ANK3: variants seen among roughly 807,000 people sequenced by gnomAD.
ANK3 encodes ankyrin 3, also known as ankyrin-3.
In ANK3, 57 loss-of-function variants were observed where a neutral mutation model predicts 370.9. That is an observed-to-expected ratio of 0.15 (90% CI 0.12 to 0.19). ANK3 has a LOEUF of 0.19. ANK3 is among the 10% of genes least tolerant of loss of function. The probability of loss-of-function intolerance (pLI) is 1.00; values close to 1 mark genes in which losing one functional copy is unlikely to be tolerated. For synonymous variants in ANK3, 1,929 were observed against 1,946.3 expected (o/e 0.99, Z 0.23); for missense variants, 4,439 against 5,302.1 (o/e 0.84, Z 5.06).
Position 60,438,385 on chromosome 10 carries a change from A to T in ANK3, c.97-158746T>A, listed in dbSNP as rs72806189. Among the ~76,000 whole-genome samples the T allele has an allele frequency of 5.3e-3, 803 of 152,282 alleles. 4 individuals carry two copies. The highest frequency in any genetic ancestry group is 9.3e-3 in the South Asian group (45 of 4,830). ...TTACAATTAGGCCTACATTGAAAGG[A>T]TGGGATATGAAGCTTCTATGAAAAT... On this transcript the variant is annotated intron_variant, in intron 2 of 43. Transcript: ENST00000373827.
intron 1 of ANK3, among the ~76,000 whole-genome samples, chr10:60,324,838 C>A (rs892178169): frequency 4.6e-5 from 7 of 152,108 alleles, no homozygotes; most frequent in African/African-American, 1.4e-4. Context: ...ACTGCTATAT[C>A]CCTAGTGCCT....
chr10:60,575,574 CTA>C (rs2077672942), intron 2 of ANK3, among the ~76,000 whole-genome samples: 1 of 152,068 alleles, frequency 6.6e-6, no homozygotes, highest in Non-Finnish European at 1.5e-5. Flanking sequence ...AATAATAAAA[CTA>C]TGTGGCATAT....
chr10:60,125,503 A>G (rs1287190968), intron 25 of ANK3, among the ~76,000 whole-genome samples: 1 of 152,256 alleles, frequency 6.6e-6, no homozygotes, highest in Non-Finnish European at 1.5e-5. Context: ...TTGAAGAGAG[A>G]AAGCAGCATA....
chr10:60,502,625 C>T (rs943398989), intron 2 of ANK3, among the ~76,000 whole-genome samples: 4 of 151,542 alleles, frequency 2.6e-5, no homozygotes, highest in African/African-American at 9.7e-5. Context: ...GGCTGCAGTG[C>T]GTGATGATTG....
chr10:60,384,209 AAC>A (rs141124943), intron 1 of ANK3, among the ~76,000 whole-genome samples: 324 of 152,348 alleles, frequency 2.1e-3, no homozygotes, highest in African/African-American at 7.2e-3. Context: ...ACAGGCATCT[AAC>A]ACACTGTTAT....
intron 1 of ANK3, among the ~76,000 whole-genome samples, chr10:60,627,432 G>A (rs10994436): frequency 0.35 from 53,090 of 151,412 alleles, 9,516 homozygotes; most frequent in African/African-American, 0.42. Context: ...ATAAAAAAAA[G>A]GCATCTGTAT....
At position 60,073,624 on chromosome 10, in the gene ANK3, T is replaced by C; in HGVS notation, c.7257A>G (p.Glu2419=). ...GAGCAGAACTAGGGCGGCTATCTTC[T>C]TCTTGGGACACAGGAGTGTTTACTC... ...SSRVNTPVSQ[E]EDSRPSSAQL... The change falls in exon 37 of 44, where the codon GAA becomes GAG. Residue 2419 remains glutamate, a synonymous_variant. Coordinates refer to ENST00000280772, the MANE Select transcript of ANK3 (RefSeq NM_020987.5). The C allele has an allele frequency of 3.1e-6, 5 of 1,613,964 alleles. No individual in the cohort carries two copies. Among genetic ancestry groups the C allele is most frequent in the Non-Finnish European group, 4.2e-6 (5 of 1,179,966 alleles).
At chr10:60,391,224 G>A (rs1482013467), upstream of ANK3, among the ~76,000 whole-genome samples, 1 of 152,298 alleles carries the variant, frequency 6.6e-6, no homozygotes, top group East Asian at 1.9e-4. Flanking sequence ...AACCACGCTG[G>A]TCATAGAGTT....
chr10:60,439,704 G>A (rs559259062), intron 2 of ANK3, among the ~76,000 whole-genome samples: 22 of 152,286 alleles, frequency 1.4e-4, no homozygotes, highest in African/African-American at 4.8e-4. Context: ...CAGTTCTAGA[G>A]CTGATTCTGA....
intron 2 of ANK3, chr10:60,572,947 G>T (rs2077633388): frequency 2.0e-6 from 2 of 992,256 alleles, no homozygotes; most frequent in Non-Finnish European, 2.4e-6. Flanking sequence ...ACAGAAATAA[G>T]CTACAGACTG....
At chr10:60,510,382 T>C (rs2076048584) in intron 2 of ANK3, among the ~76,000 whole-genome samples, 1 of 152,150 alleles carries the variant, frequency 6.6e-6, no homozygotes, top group South Asian at 2.1e-4. Flanking sequence ...ATATAAGGGA[T>C]CTGATTCAAA....
intron 1 of ANK3, among the ~76,000 whole-genome samples, chr10:60,316,643 C>T (rs879629537): frequency 7.2e-5 from 11 of 152,118 alleles, no homozygotes; most frequent in South Asian, 2.1e-4. Flanking sequence ...AGGAAGAGAA[C>T]GTGGTTTTAT....
chr10:60,203,532 A>G (rs962692130), intron 11 of ANK3, among the ~76,000 whole-genome samples: 3 of 152,204 alleles, frequency 2.0e-5, no homozygotes, highest in Admixed American at 2.0e-4. Flanking sequence ...GGCTTTAAAG[A>G]GGATTCCCAT....
chr10:60,539,042 G>C (rs191141719), intron 2 of ANK3, among the ~76,000 whole-genome samples: 1 of 151,882 alleles, frequency 6.6e-6, no homozygotes, highest in Admixed American at 6.6e-5. Flanking sequence ...AAAGCCAAAG[G>C]AGGGCAGATG....
At chr10:60,086,239 A>ATTT (rs1327906201) in intron 30 of ANK3, among the ~76,000 whole-genome samples, 9 of 152,276 alleles carry the variant, frequency 5.9e-5, no homozygotes, top group African/African-American at 2.2e-4. Context: ...GTACTGAACA[A>ATTT]TTTCCTATTA....
chr10:60,059,419 C>T lies in ANK3; in HGVS notation c.12607G>A (p.Glu4203Lys). 6.2e-7 allele frequency: 1 copy of T among 1,613,970 alleles called. No individual in the cohort carries two copies. The highest frequency in any genetic ancestry group is 2.2e-5 in the East Asian group (1 of 44,854). The change falls in exon 41 of 44, where the codon GAG (glutamate) becomes AAG (lysine). Residue 4203 changes from glutamate (E) to lysine (K), a missense_variant. Coordinates refer to ENST00000280772, the MANE Select transcript of ANK3 (RefSeq NM_020987.5). ...GACTCTAGGTTTCCACTTGATGTCTCATTCTGCCAACCTGTAATTGAAGAC... is the reference window on the plus strand; with the variant it reads ...GACTCTAGGTTTCCACTTGATGTCTTATTCTGCCAACCTGTAATTGAAGAC... ...FHDPVDGWQN[E>K]TSSGNLESCA...
chr10:60,292,042 C>T (rs943247266), intron 1 of ANK3, among the ~76,000 whole-genome samples: 6 of 152,064 alleles, frequency 3.9e-5, no homozygotes, highest in Non-Finnish European at 8.8e-5. Flanking sequence ...AAAATGAAAA[C>T]GAATTATTCA....
chr10:60,283,755 A>C (rs185794328), intron 1 of ANK3, among the ~76,000 whole-genome samples: 252 of 152,294 alleles, frequency 1.7e-3, no homozygotes, highest in Non-Finnish European at 2.9e-3. Flanking sequence ...ATTATTCAGC[A>C]GAAAGCAGTT....
intron 2 of ANK3, among the ~76,000 whole-genome samples, chr10:60,537,899 A>G (rs781398321): frequency 2.2e-4 from 34 of 152,104 alleles, no homozygotes; most frequent in Non-Finnish European, 4.0e-4. Context: ...TCATTTGTGT[A>G]CAATGACTAA....
Sources: allele counts gnomAD v4.1 joint callset (sites outside exome capture counted in the v4.1 genomes callset), GRCh38; gene constraint gnomAD v4.1.1; transcripts MANE v1.5; gene names NCBI Gene and HGNC (gene_info 2026-07-23, HGNC 2026-07-21).